VWA8: variants seen among roughly 807,000 people sequenced by gnomAD.
VWA8 encodes von Willebrand factor A domain-containing protein 8.
A neutral mutation model predicts 241.5 loss-of-function variants in VWA8; 221 were observed. The observed-to-expected ratio is 0.91, with a 90% CI of 0.82 to 1.02. The LOEUF (loss-of-function observed/expected upper bound fraction) is 1.02, where lower values mean the gene tolerates loss of function less well. Among genes scored for constraint, VWA8 ranks in the 50% least tolerant of loss-of-function variants. The pLI, the probability that VWA8 is intolerant of heterozygous loss-of-function variation, is 0.00. For synonymous variants in VWA8, 852 were observed against 827.1 expected (o/e 1.03, Z -0.52); for missense variants, 2,322 against 2,328.7 (o/e 1.00, Z 0.06).
chr13:41,571,522 C>G (rs549509287), intron 43 of VWA8, among the ~76,000 whole-genome samples: 1 of 152,246 alleles, frequency 6.6e-6, no homozygotes, highest in Non-Finnish European at 1.5e-5. Flanking sequence ...CTGGTTTTTG[C>G]ATTTTTTGGT....
At chr13:41,617,650 C>T (rs1347768769) in intron 37 of VWA8, among the ~76,000 whole-genome samples, 1 of 151,874 alleles carries the variant, frequency 6.6e-6, no homozygotes, top group African/African-American at 2.4e-5. Flanking sequence ...GCCCCCCGCC[C>T]TGTGACAGGC....
Position 41,567,234 on chromosome 13 carries a change from A to T in VWA8, c.*963T>A, listed in dbSNP as rs1273774931. 5 of 152,220 alleles carry T rather than the reference A, an allele frequency of 3.3e-5. No homozygotes were observed. The highest frequency in any genetic ancestry group is 1.2e-4 in the African/African-American group (5 of 41,446). The allele number at this position is 152,220 out of a possible 1,614,324, so 9.4% of individuals were successfully genotyped here. ...TTGAAAGAAAAGAGAATGAGGCTTT[A>T]AAAAAAGTTGTTTTCTTTCTTTTTG... On this transcript the variant is annotated 3_prime_UTR_variant, in exon 45 of 45. Transcript: ENST00000379310.
At chr13:41,921,859 C>T (rs1876554225) in intron 2 of VWA8, among the ~76,000 whole-genome samples, 1 of 152,138 alleles carries the variant, frequency 6.6e-6, no homozygotes, top group South Asian at 2.1e-4. Flanking sequence ...GCCACACTGC[C>T]CAAGGTAATT....
chr13:41,817,458 A>G (rs1465843663), intron 15 of VWA8, among the ~76,000 whole-genome samples: 2 of 152,230 alleles, frequency 1.3e-5, no homozygotes, highest in African/African-American at 4.8e-5. Flanking sequence ...AAAAGATCAA[A>G]AAAAGATACT....
intron 1 of VWA8, among the ~76,000 whole-genome samples, chr13:41,958,210 A>C (rs569095901): frequency 1.1e-4 from 16 of 152,332 alleles, no homozygotes; most frequent in East Asian, 7.7e-4. Context: ...CCTTCTGCTT[A>C]TCAGGCTTAA....
intron 39 of VWA8, among the ~76,000 whole-genome samples, chr13:41,606,217 C>T (rs1397379428): frequency 6.6e-6 from 1 of 152,140 alleles, no homozygotes; most frequent in Non-Finnish European, 1.5e-5. Context: ...CTCTATACTC[C>T]TTTAGGTAAG....
intron 37 of VWA8, 84 bp downstream of exon 37, chr13:41,670,861 CA>C: frequency 6.6e-7 from 1 of 1,514,266 alleles, no homozygotes; most frequent in Non-Finnish European, 9.0e-7. Context: ...GTCACTGGCC[CA>C]GAAATTTTCA....
At chr13:41,890,196 C>T (rs373378310) in intron 5 of VWA8, among the ~76,000 whole-genome samples, 7 of 152,244 alleles carry the variant, frequency 4.6e-5, no homozygotes, top group East Asian at 3.9e-4. Context: ...ATCAGACCCT[C>T]TGGCATTCAT....
At chr13:41,604,338 A>G (rs916851797) in intron 40 of VWA8, among the ~76,000 whole-genome samples, 3 of 152,086 alleles carry the variant, frequency 2.0e-5, no homozygotes, top group Admixed American at 6.6e-5. Flanking sequence ...ACATGGTTTA[A>G]TTTTTACATT....
intron 26 of VWA8, among the ~76,000 whole-genome samples, chr13:41,717,279 T>A (rs925281498): frequency 1.3e-5 from 2 of 151,800 alleles, no homozygotes; most frequent in African/African-American, 2.4e-5. Context: ...TGTACTTCCT[T>A]AATATTTTTA....
At chr13:41,799,370 T>C (rs545400757) in intron 17 of VWA8, among the ~76,000 whole-genome samples, 2 of 152,338 alleles carry the variant, frequency 1.3e-5, no homozygotes, top group South Asian at 2.1e-4. Context: ...TTTTGGTTAC[T>C]ACCTTTACAG....
chr13:41,581,764 T>A (rs1409696551), intron 42 of VWA8, among the ~76,000 whole-genome samples: 1 of 152,050 alleles, frequency 6.6e-6, no homozygotes, highest in East Asian at 1.9e-4. Context: ...ACTATTTGAG[T>A]GCTTAGTGGA....
At chr13:41,725,505 G>C (rs1199345348) in intron 24 of VWA8, among the ~76,000 whole-genome samples, 1 of 152,192 alleles carries the variant, frequency 6.6e-6, no homozygotes, top group Non-Finnish European at 1.5e-5. Context: ...CAAGAGGCCA[G>C]AGAGTGGGAA....
At chr13:41,850,956 A>G (rs918223196) in intron 12 of VWA8, among the ~76,000 whole-genome samples, 1 of 152,228 alleles carries the variant, frequency 6.6e-6, no homozygotes, top group African/African-American at 2.4e-5. Context: ...TATCAGGAAA[A>G]CAATATACAA....
At chr13:41,750,556 C>T (rs532054543) in intron 21 of VWA8, among the ~76,000 whole-genome samples, 22 of 151,750 alleles carry the variant, frequency 1.4e-4, no homozygotes, top group African/African-American at 2.2e-4. Flanking sequence ...CATTAACAGA[C>T]GGTTAAGAGA....
chr13:41,639,747 T>C (rs144446885), intron 37 of VWA8, among the ~76,000 whole-genome samples: 31 of 152,260 alleles, frequency 2.0e-4, no homozygotes, highest in African/African-American at 5.8e-4. Flanking sequence ...AAGGGAACGA[T>C]AGACGATGGA....
intron 9 of VWA8, among the ~76,000 whole-genome samples, chr13:41,882,132 C>T (rs995794048): frequency 2.7e-5 from 4 of 150,454 alleles, no homozygotes; most frequent in African/African-American, 4.9e-5. Context: ...GACGGGGTCG[C>T]GGCCGGGTGG....
intron 24 of VWA8, among the ~76,000 whole-genome samples, chr13:41,726,523 T>A (rs2045435097): frequency 6.6e-6 from 1 of 152,184 alleles, no homozygotes; most frequent in Non-Finnish European, 1.5e-5. Flanking sequence ...GACCTCAATC[T>A]TTTTCATGGT....
At chr13:41,924,901 A>T (rs1456530843) in intron 2 of VWA8, among the ~76,000 whole-genome samples, 1 of 150,456 alleles carries the variant, frequency 6.6e-6, no homozygotes, top group Admixed American at 6.6e-5. Flanking sequence ...ATATATGGAC[A>T]TCAGATTCAT....
Sources: gnomAD v4.1 joint callset for allele counts (sites outside exome capture counted in the v4.1 genomes callset) on GRCh38, gnomAD v4.1.1 for gene constraint, MANE v1.5 for transcripts, NCBI Gene and HGNC (gene_info 2026-07-23, HGNC 2026-07-21) for gene names.